MSH4: variants seen among roughly 807,000 people sequenced by gnomAD.
The protein encoded by MSH4 is mutS protein homolog 4.
Under a neutral mutation model 113.7 loss-of-function variants are expected in MSH4, and 106 were observed. The observed-to-expected ratio is 0.93, with a 90% CI of 0.80 to 1.10. The LOEUF (loss-of-function observed/expected upper bound fraction) is 1.10. MSH4 is among the 50% of genes least tolerant of loss of function. The pLI is 0.00. For synonymous variants in MSH4, 368 were observed against 380.2 expected (o/e 0.97, Z 0.37); for missense variants, 1,061 against 1,093.7 (o/e 0.97, Z 0.42).
intron 8 of MSH4, among the ~76,000 whole-genome samples, chr1:75,853,237 G>C: frequency 6.6e-6 from 1 of 152,002 alleles, no homozygotes; most frequent in East Asian, 1.9e-4. Flanking sequence ...GCTAATTTTT[G>C]TATTTTTAGT....
At chr1:75,910,133 G>A (rs1304989169) in intron 19 of MSH4, among the ~76,000 whole-genome samples, 2 of 151,584 alleles carry the variant, frequency 1.3e-5, no homozygotes, top group Non-Finnish European at 2.9e-5. Context: ...TCTTTTTACT[G>A]CAAACTTATC....
At chr1:75,859,637 G>T (rs1347662180) in intron 8 of MSH4, among the ~76,000 whole-genome samples, 1 of 152,070 alleles carries the variant, frequency 6.6e-6, no homozygotes, top group Non-Finnish European at 1.5e-5. Context: ...AGTTTGTTGT[G>T]ATTTCTATTC....
At chr1:75,876,601 A>G (rs2100568972) in intron 9 of MSH4, among the ~76,000 whole-genome samples, 1 of 152,208 alleles carries the variant, frequency 6.6e-6, no homozygotes, top group East Asian at 1.9e-4. Context: ...TAAATTTTGG[A>G]ATTATATGTA....
At chr1:75,890,477 C>T (rs1652227460) in intron 16 of MSH4, among the ~76,000 whole-genome samples, 1 of 152,024 alleles carries the variant, frequency 6.6e-6, no homozygotes, top group Admixed American at 6.6e-5. Context: ...GTCTCATATA[C>T]ATATGCATAT....
At chr1:75,897,764 GC>G in intron 17 of MSH4, 142 bp from the exon 18 acceptor site, 1 of 437,736 alleles carries the variant, frequency 2.3e-6, no homozygotes. Flanking sequence ...GATAATGTTA[GC>G]CTCCAAATTA....
At chr1:75,804,128 T>G (rs982493937) in intron 2 of MSH4, among the ~76,000 whole-genome samples, 10 of 152,204 alleles carry the variant, frequency 6.6e-5, no homozygotes, top group African/African-American at 2.2e-4. Flanking sequence ...TCTACATTAT[T>G]TTAACCATTC....
intron 7 of MSH4, among the ~76,000 whole-genome samples, chr1:75,829,095 G>A (rs933147178): frequency 5.3e-5 from 8 of 152,148 alleles, no homozygotes; most frequent in East Asian, 1.9e-4. Flanking sequence ...CTAATACTGC[G>A]CTTTTCCAAT....
intron 5 of MSH4, 98 bp from the exon 6 acceptor site, chr1:75,816,275 A>T: frequency 1.3e-6 from 1 of 778,760 alleles, no homozygotes; most frequent in Non-Finnish European, 1.8e-6. Flanking sequence ...TTTTGAGTTT[A>T]AGCAATGCTA....
chr1:75,797,565 C>G (rs1328468321), intron 1 of MSH4, among the ~76,000 whole-genome samples: 1 of 152,184 alleles, frequency 6.6e-6, no homozygotes, highest in East Asian at 1.9e-4. Flanking sequence ...TTTAATTCTC[C>G]AAATCCTGCT....
At position 75,803,791 on chromosome 1, in the gene MSH4, T is replaced by C; in HGVS notation, c.305T>C (p.Phe102Ser). Reference protein sequence around the residue: ...AENTVASNFTFGASSSSARDT... With the variant: ...AENTVASNFTSGASSSSARDT... ...AACACAGTTGCATCAAATTTTACTT[T>C]TGGTGCAAGCTCATCTTCTGCACGA... Residue 102 changes from phenylalanine to serine, a missense_variant, in exon 2 of 20, where the codon TTT becomes TCT. By Grantham distance (155) the Phe-to-Ser change is radical (BLOSUM62 -2). Transcript: ENST00000263187. The C allele has an allele frequency of 6.2e-7, 1 of 1,605,824 alleles. No homozygotes were observed. The highest frequency in any genetic ancestry group is 8.5e-7 in the Non-Finnish European group (1 of 1,177,256).
At chr1:75,854,034 A>ATAT (rs1179723074) in intron 8 of MSH4, among the ~76,000 whole-genome samples, 9 of 58,744 alleles carry the variant, frequency 1.5e-4, no homozygotes, top group Non-Finnish European at 2.3e-4. Flanking sequence ...TATATGCATA[A>ATAT]ATATATAGAT....
intron 8 of MSH4, among the ~76,000 whole-genome samples, chr1:75,858,087 G>A (rs1417824755): frequency 2.0e-5 from 3 of 152,118 alleles, no homozygotes; most frequent in Non-Finnish European, 4.4e-5. Flanking sequence ...TGGTGTATAG[G>A]CATGCTTGTG....
chr1:75,827,679 A>AAG lies in MSH4; in HGVS notation c.1162+5098_1162+5099insAG, dbSNP rs1460989857. Among the ~76,000 whole-genome samples, 3 of 150,492 alleles carry AAG rather than the reference A, an allele frequency of 2.0e-5. No individual in the cohort carries two copies. The East Asian group carries it at 5.9e-4, about 30-fold the overall frequency. ...AAATGGAAAGCAAAAAAAAAAAAAA[A>AAG]GTAAAGTAAAAAGCAGAGATTGCAA... On this transcript the variant is annotated intron_variant, in intron 7 of 19. Transcript: ENST00000263187.
At chr1:75,899,947 A>G (rs1300539676) in intron 19 of MSH4, among the ~76,000 whole-genome samples, 1 of 151,720 alleles carries the variant, frequency 6.6e-6, no homozygotes, top group African/African-American at 2.4e-5. Context: ...TAAACAGTTT[A>G]GTTTATAAAA....
At chr1:75,805,782 C>A (rs190040729) in intron 2 of MSH4, among the ~76,000 whole-genome samples, 1 of 152,114 alleles carries the variant, frequency 6.6e-6, no homozygotes, top group African/African-American at 2.4e-5. Flanking sequence ...TAAGGTAAGC[C>A]AATCTTACTC....
chr1:75,872,133 C>G (rs1651727411), intron 9 of MSH4, among the ~76,000 whole-genome samples: 1 of 152,190 alleles, frequency 6.6e-6, no homozygotes, highest in Non-Finnish European at 1.5e-5. Flanking sequence ...ACCCTCCCAG[C>G]TATCTTCATC....
At chr1:75,803,234 A>G (rs1649977896) in intron 1 of MSH4, among the ~76,000 whole-genome samples, 1 of 152,182 alleles carries the variant, frequency 6.6e-6, no homozygotes, top group Non-Finnish European at 1.5e-5. Flanking sequence ...AAGCTATATT[A>G]GCATATTTTT....
At chr1:75,835,936 T>G (rs1650818309) in intron 7 of MSH4, among the ~76,000 whole-genome samples, 1 of 152,318 alleles carries the variant, frequency 6.6e-6, no homozygotes, top group African/African-American at 2.4e-5. Context: ...CCCTTTTACC[T>G]TTCGGAGTTC....
intron 19 of MSH4, among the ~76,000 whole-genome samples, chr1:75,904,927 G>A (rs1652589102): frequency 6.6e-6 from 1 of 151,904 alleles, no homozygotes; most frequent in Non-Finnish European, 1.5e-5. Context: ...TATTTCTGTG[G>A]TATCAATTGT....
Sources: gnomAD v4.1 joint callset for allele counts (sites outside exome capture counted in the v4.1 genomes callset) on GRCh38, gnomAD v4.1.1 for gene constraint, MANE v1.5 for transcripts, NCBI Gene and HGNC (gene_info 2026-07-23, HGNC 2026-07-21) for gene names.